Variants in FSCN3 observed in about 807,000 individuals in gnomAD.
The protein encoded by FSCN3 is fascin actin-bundling protein 3.
FSCN3 carries 43 observed loss-of-function variants against 53.5 expected under a neutral mutation model. The observed-to-expected ratio is 0.80, with a 90% CI of 0.63 to 1.04. The LOEUF is 1.04. Ranked by LOEUF, FSCN3 falls within the 50% of genes least tolerant of loss-of-function variation. The pLI, the probability that FSCN3 is intolerant of heterozygous loss-of-function variation, is 0.00. For missense variants in FSCN3, 594 were observed against 646.5 expected (o/e 0.92, Z 0.88); for synonymous variants, 235 against 246.6 (o/e 0.95, Z 0.44).
chr7:127,595,909 C>T lies in FSCN3; in HGVS notation c.747C>T (p.Asn249=). 6.2e-7 allele frequency: 1 copy of T among 1,612,544 alleles called. No homozygotes were observed. Among genetic ancestry groups the T allele is most frequent in the Non-Finnish European group, 8.5e-7 (1 of 1,179,114 alleles). ...ATCTGCTCTTGGGCATGGGCTGCAA[C>T]CCCATGAGGGGTGAGGAGTGGTTCA... is the stretch of plus-strand genomic sequence containing the variant. ...GTHLLLGMGC[N]PMRGEEWFIL... The change falls in exon 2 of 7, where the codon AAC becomes AAT. Residue 249 remains asparagine (N), a synonymous_variant. Transcript: ENST00000265825.
chr7:127,594,065 C>CGT (rs1562955177), intron 1 of FSCN3, 68 bp downstream of exon 1: 19 of 1,522,514 alleles, frequency 1.2e-5, no homozygotes, highest in Non-Finnish European at 1.6e-5. Flanking sequence ...TGTGTGCGCG[C>CGT]GCGCGTGTGT....
chr7:127,596,973 G>A (rs1311436283), intron 3 of FSCN3, among the ~76,000 whole-genome samples: 1 of 152,240 alleles, frequency 6.6e-6, no homozygotes, highest in African/African-American at 2.4e-5. Flanking sequence ...GAAACATACA[G>A]TATGTATGGT....
intron 6 of FSCN3, among the ~76,000 whole-genome samples, chr7:127,601,418 A>G (rs1382664835): frequency 6.6e-6 from 1 of 152,210 alleles, no homozygotes; most frequent in African/African-American, 2.4e-5. Context: ...TGTTTTTTAC[A>G]TCACACAGAC....
At chr7:127,596,130 C>A (rs754535550) in intron 2 of FSCN3, 127 bp downstream of exon 2, 9 of 1,487,294 alleles carry the variant, frequency 6.1e-6, no homozygotes, top group Non-Finnish European at 8.0e-6. Flanking sequence ...CCAAGGGGAT[C>A]TTTTGTGCCA....
Position 127,601,726 on chromosome 7 carries a change from T to C in FSCN3, c.*104T>C, listed in dbSNP as rs1209621054. 1 of 152,200 alleles carries C rather than the reference T, an allele frequency of 6.6e-6. No homozygotes were observed. Among genetic ancestry groups the C allele is most frequent in the Non-Finnish European group, 1.5e-5 (1 of 68,026 alleles). 9.4% of individuals were successfully genotyped at this position (152,200 alleles called of 1,614,324 possible). The stretch of plus-strand genomic sequence containing the variant: ...CAAGATCCAAGAGAAGAACATCTGT[T>C]ACAACTTTTCCTACCCAGTTTAGCA... On this transcript the variant is annotated 3_prime_UTR_variant, in exon 7 of 7. Transcript: ENST00000265825.
At chr7:127,597,548 G>C (rs1044709717) in intron 3 of FSCN3, among the ~76,000 whole-genome samples, 1 of 150,806 alleles carries the variant, frequency 6.6e-6, no homozygotes, top group Non-Finnish European at 1.5e-5. Flanking sequence ...GCTCAGTCTC[G>C]GCTCACCACA....
At chr7:127,594,104 G>A (rs1794340228) in intron 1 of FSCN3, 107 bp downstream of exon 1, 3 of 1,298,828 alleles carry the variant, frequency 2.3e-6, no homozygotes, top group Non-Finnish European at 3.2e-6. Flanking sequence ...GTGTGTGTGT[G>A]TATGTACTTG....
Position 127,599,379 on chromosome 7 carries a change from A to G in FSCN3, c.1121-2A>G, listed in dbSNP as rs1794436805. On this transcript the variant is annotated splice_acceptor_variant, in intron 4 of 6. Transcript: ENST00000265825. LOFTEE classifies it high-confidence loss of function. The stretch of plus-strand genomic sequence containing the variant: ...CAGATAACTCCTTCCTATTTCCTTC[A>G]GGCCCAAATGAGGAATTTGGGATTT... The G allele has an allele frequency of 1.9e-6, 3 of 1,611,936 alleles. No homozygotes were observed. In the East Asian group the frequency reaches 6.7e-5, roughly 36 times the overall value.
chr7:127,601,395 G>T (rs1794473356), intron 6 of FSCN3, among the ~76,000 whole-genome samples: 3 of 152,234 alleles, frequency 2.0e-5, no homozygotes, highest in Admixed American at 1.3e-4. Flanking sequence ...CTGACTTATT[G>T]TGCAAAGTGC....
Position 127,594,069 on chromosome 7 carries a change from C to T in FSCN3, c.144+72C>T, listed in dbSNP as rs1192631153. 384 of 1,436,584 alleles carry T rather than the reference C, an allele frequency of 2.7e-4. 2 individuals are homozygous for T. The highest frequency in any genetic ancestry group is 7.7e-4 in the South Asian group (62 of 80,040). The allele number at this position is 1,436,584 out of a possible 1,614,324, so 89.0% of individuals were successfully genotyped here. A position where few individuals can be genotyped will look rare whatever the true frequency, so the allele number is the denominator to read the frequency against. On this transcript the variant is annotated intron_variant, in intron 1 of 6. Coordinates refer to ENST00000265825, the MANE Select transcript of FSCN3 (RefSeq NM_020369.3). ...CTGTGTGTGTGTGTGTGCGCGCGCG[C>T]GTGTGTGTGCGTGAGTGTATGTGTG... is the stretch of plus-strand genomic sequence containing the variant.
intron 1 of FSCN3, 96 bp from the exon 2 acceptor site, chr7:127,595,211 G>A (rs935083310): frequency 4.8e-6 from 5 of 1,041,422 alleles, no homozygotes; most frequent in Non-Finnish European, 5.6e-6. Context: ...TGCTGATGAA[G>A]GTGCCAGGGT....
chr7:127,595,216 C>A, intron 1 of FSCN3, 91 bp from the exon 2 acceptor site: 1 of 1,131,756 alleles, frequency 8.8e-7, no homozygotes, highest in Non-Finnish European at 1.3e-6. Flanking sequence ...ATGAAGGTGC[C>A]AGGGTGATAC....
chr7:127,596,284 C>G (rs3735640), intron 2 of FSCN3, 44 bp from the exon 3 acceptor site: 188,342 of 1,544,530 alleles, frequency 0.12, 12,411 homozygotes, highest in South Asian at 0.17. Context: ...GAGGAGGGGC[C>G]GAGACTGAGG....
chr7:127,600,469 T>G, intron 6 of FSCN3, 70 bp downstream of exon 6: 1 of 917,290 alleles, frequency 1.1e-6, no homozygotes, highest in Non-Finnish European at 1.8e-6. Flanking sequence ...GGGAGGTGGG[T>G]GGGGAGGCAT....
chr7:127,601,078 A>T (rs113009393), intron 6 of FSCN3, among the ~76,000 whole-genome samples: 3,951 of 151,810 alleles, frequency 0.026, 82 homozygotes, highest in Non-Finnish European at 0.037. Flanking sequence ...CCTTTCTTTC[A>T]CTTCCTTCAT....
In FSCN3 at chr7:127,602,008, T is replaced by C. The variant is rs1336840689; in HGVS notation, c.*386T>C. The C allele has an allele frequency of 2.0e-5, 3 of 152,234 alleles. No homozygotes were observed. Among genetic ancestry groups the C allele is most frequent in the South Asian group, 4.1e-4 (2 of 4,838 alleles). The allele number at this position is 152,234 out of a possible 1,614,324, so 9.4% of individuals were successfully genotyped here. On this transcript the variant is annotated 3_prime_UTR_variant, in exon 7 of 7. Coordinates refer to ENST00000265825, the MANE Select transcript of FSCN3 (RefSeq NM_020369.3). ...CCCTGAAGGGTTTAGAATCCAGTTA[T>C]GACTTTAAATATCTTTTTGGTTTAG...
At chr7:127,597,748 G>A (rs1794410383) in intron 3 of FSCN3, among the ~76,000 whole-genome samples, 1 of 152,156 alleles carries the variant, frequency 6.6e-6, no homozygotes, top group Non-Finnish European at 1.5e-5. Context: ...AAAGTGCTGG[G>A]ATTACAGGCA....
Position 127,598,499 on chromosome 7 carries a change from A to G in FSCN3, c.1025A>G (p.His342Arg). Residue 342 changes from histidine (H) to arginine (R), a missense_variant, in exon 4 of 7, where the codon CAC becomes CGC. By Grantham distance (29) the His-to-Arg change is conservative. Transcript: ENST00000265825. ...PLESDTFFRM[H>R]WNCGRIILQS... ...GAGTCTGACACGTTCTTCCGAATGCACTGGAACTGTGGCAGGATCATCCTG... is the reference window on the plus strand; with the variant it reads ...GAGTCTGACACGTTCTTCCGAATGCGCTGGAACTGTGGCAGGATCATCCTG... The G allele has an allele frequency of 6.2e-7, 1 of 1,614,024 alleles. No individual in the cohort carries two copies. The highest frequency in any genetic ancestry group is 1.7e-5 in the Admixed American group (1 of 60,022).
intron 1 of FSCN3, chr7:127,594,824 C>T (rs1587539675): frequency 2.1e-6 from 1 of 471,928 alleles, no homozygotes; most frequent in Middle Eastern, 3.3e-4. Context: ...ACTGTTCATG[C>T]TCCCATCTTC....
Sources: gnomAD v4.1 joint callset for allele counts (sites outside exome capture counted in the v4.1 genomes callset) on GRCh38, gnomAD v4.1.1 for gene constraint, MANE v1.5 for transcripts, NCBI Gene and HGNC (gene_info 2026-07-23, HGNC 2026-07-21) for gene names.